Variants in PIGN observed in about 807,000 individuals in gnomAD.
PIGN encodes the protein GPI ethanolamine phosphate transferase 1.
PIGN carries 117 observed loss-of-function variants against 125.4 expected under a neutral mutation model. The observed-to-expected ratio is 0.93, with a 90% CI of 0.80 to 1.09. PIGN has a LOEUF of 1.09. Ranked by LOEUF, PIGN falls within the 50% of genes least tolerant of loss-of-function variation. The pLI, the probability that PIGN is intolerant of heterozygous loss-of-function variation, is 0.00. For synonymous variants in PIGN, 392 were observed against 377.8 expected, an observed-to-expected ratio of 1.04 and a Z score of -0.44; for missense variants, 1,075 against 1,094.9, an observed-to-expected ratio of 0.98 and a Z score of 0.26.
intron 14 of PIGN, among the ~76,000 whole-genome samples, chr18:62,119,924 G>GA (rs778080622): frequency 8.6e-5 from 13 of 151,772 alleles, no homozygotes; most frequent in Non-Finnish European, 1.8e-4. Context: ...CAAAAAGACA[G>GA]AAAAATACTA....
At chr18:62,161,941 T>C (rs2036968115) in intron 3 of PIGN, among the ~76,000 whole-genome samples, 1 of 152,192 alleles carries the variant, frequency 6.6e-6, no homozygotes, top group Non-Finnish European at 1.5e-5. Flanking sequence ...TATTACCATA[T>C]TGAGCAGGAA....
At chr18:62,156,956 T>C (rs1401127838) in intron 6 of PIGN, among the ~76,000 whole-genome samples, 173 bp downstream of exon 6, 2 of 152,070 alleles carry the variant, frequency 1.3e-5, no homozygotes, top group African/African-American at 4.8e-5. Context: ...ATCTCAAGTA[T>C]AACTAAGAAG....
At chr18:62,079,921 C>A (rs1360141862) in intron 28 of PIGN, among the ~76,000 whole-genome samples, 2 of 152,090 alleles carry the variant, frequency 1.3e-5, no homozygotes, top group African/African-American at 2.4e-5. Context: ...CATAAAAACA[C>A]TTTCCCAATA....
At chr18:62,108,885 G>A (rs1314361183) in intron 17 of PIGN, among the ~76,000 whole-genome samples, 2 of 152,204 alleles carry the variant, frequency 1.3e-5, no homozygotes, top group African/African-American at 4.8e-5. Context: ...CTTGCACCCA[G>A]CCAACTCCGA....
At chr18:62,067,291 C>T (rs2032578107) in intron 30 of PIGN, among the ~76,000 whole-genome samples, 1 of 152,176 alleles carries the variant, frequency 6.6e-6, no homozygotes, top group African/African-American at 2.4e-5. Context: ...CCACTCATTT[C>T]AACTTTTAGT....
chr18:62,124,580 A>G (rs2035430961), intron 14 of PIGN, among the ~76,000 whole-genome samples: 1 of 152,206 alleles, frequency 6.6e-6, no homozygotes. Flanking sequence ...AAATCTAACC[A>G]TGCCTTAAAA....
In PIGN at chr18:62,143,911, C is replaced by T. The variant is rs569908855; in HGVS notation, c.923-565G>A. Among the ~76,000 whole-genome samples, 16 of 152,098 alleles carry T rather than the reference C, an allele frequency of 1.1e-4. No homozygotes were observed. In the South Asian group the frequency reaches 1.7e-3, roughly 16 times the overall value. ...TTTCTACACATAAATTCAGAAATTG[C>T]ATTAAACGGAAATCTAAACAAGTGA... is the stretch of plus-strand genomic sequence containing the variant. On this transcript the variant is annotated intron_variant, in intron 10 of 30. Coordinates refer to ENST00000640252, the MANE Select transcript of PIGN (RefSeq NM_176787.5).
At position 62,122,142 on chromosome 18, in the gene PIGN, C is replaced by CTATG. The variant is rs1814812987; in HGVS notation, c.1173-7507_1173-7504dup. On this transcript the variant is annotated intron_variant, in intron 14 of 30. Transcript: ENST00000640252. ...GGTGTTCAATAGAGCAGTAGGATGA[C>CTATG]TATGGTTAACATTAATATATTATAC... Among the ~76,000 whole-genome samples the CTATG allele has an allele frequency of 2.6e-5, 4 of 152,132 alleles. No individual in the cohort carries two copies. The South Asian group carries it at 8.3e-4, about 32-fold the overall frequency.
At chr18:62,170,933 C>T (rs1263925926) in intron 1 of PIGN, among the ~76,000 whole-genome samples, 2 of 152,166 alleles carry the variant, frequency 1.3e-5, no homozygotes, top group Non-Finnish European at 2.9e-5. Flanking sequence ...ACAACATTTC[C>T]TCAAGCCAAA....
At chr18:62,034,272 C>T (rs937128462) in intron 23 of PIGN, among the ~76,000 whole-genome samples, 5 of 152,184 alleles carry the variant, frequency 3.3e-5, no homozygotes, top group African/African-American at 7.2e-5. Flanking sequence ...GAGACGTGGT[C>T]TCACTATGTT....
chr18:62,119,264 C>T (rs1355491600), intron 14 of PIGN, among the ~76,000 whole-genome samples: 12 of 151,808 alleles, frequency 7.9e-5, no homozygotes, highest in Non-Finnish European at 1.8e-4. Context: ...TTTAAAACTA[C>T]CAGACTTAAC....
chr18:62,174,319 T>C (rs1009435351), intron 1 of PIGN: 1 of 152,214 alleles, frequency 6.6e-6, no homozygotes, highest in African/African-American at 2.4e-5. Flanking sequence ...TTTTTCAGTT[T>C]TACATACCAA....
At chr18:62,103,116 C>T (rs1237622207) in intron 20 of PIGN, among the ~76,000 whole-genome samples, 2 of 152,032 alleles carry the variant, frequency 1.3e-5, no homozygotes, top group Non-Finnish European at 2.9e-5. Flanking sequence ...AAAGATACTG[C>T]TGGATGGGGT....
intron 15 of PIGN, among the ~76,000 whole-genome samples, chr18:62,113,784 G>A (rs750179374): frequency 3.9e-5 from 6 of 151,996 alleles, no homozygotes; most frequent in Non-Finnish European, 5.9e-5. Flanking sequence ...AGAAATGCAC[G>A]GATTGGCAAT....
At chr18:62,143,440 A>G (rs2036208639) in intron 10 of PIGN, 94 bp from the exon 11 acceptor site, 4 of 754,152 alleles carry the variant, frequency 5.3e-6, no homozygotes, top group Non-Finnish European at 9.2e-6. Flanking sequence ...TATGGAAAAC[A>G]TAGGTGTTAG....
chr18:62,020,314 A>G (rs1453285802), intron 23 of PIGN, among the ~76,000 whole-genome samples: 1 of 152,210 alleles, frequency 6.6e-6, no homozygotes, highest in Non-Finnish European at 1.5e-5. Flanking sequence ...CACAAAATCC[A>G]ACACTCTAGT....
chr18:62,021,309 G>C (rs2144861506), intron 23 of PIGN, among the ~76,000 whole-genome samples: 1 of 152,346 alleles, frequency 6.6e-6, no homozygotes, highest in East Asian at 1.9e-4. Context: ...GCCAGGAGCT[G>C]TGTGTGAAAG....
chr18:62,114,754 C>CA, intron 14 of PIGN, 115 bp from the exon 15 acceptor site: 1 of 498,702 alleles, frequency 2.0e-6, no homozygotes, highest in Non-Finnish European at 3.4e-6. Flanking sequence ...GCAAACAAAA[C>CA]AAAAATCAAA....
chr18:62,071,872 A>ATATATATATATG (rs1568142174), intron 30 of PIGN, among the ~76,000 whole-genome samples: 15 of 19,546 alleles, frequency 7.7e-4, no homozygotes, highest in African/African-American at 4.9e-3. Flanking sequence ...CCATATATAT[A>ATATATATATATG]TATATATATA....
Sources: gnomAD v4.1 joint callset for allele counts (sites outside exome capture counted in the v4.1 genomes callset) on GRCh38, gnomAD v4.1.1 for gene constraint, MANE v1.5 for transcripts, NCBI Gene and HGNC (gene_info 2026-07-23, HGNC 2026-07-21) for gene names.